The following TTN variants were observed in gnomAD, a reference collection of about 807,000 sequenced individuals.
The protein encoded by TTN is titin, also known as connectin.
A neutral mutation model predicts 3,223.0 loss-of-function variants in TTN; 1,525 were observed. The observed-to-expected ratio is 0.47, with a 90% CI of 0.45 to 0.49. TTN has a LOEUF of 0.49. Ranked by LOEUF, TTN falls within the 20% of genes least tolerant of loss-of-function variation. The pLI, the probability that TTN is intolerant of heterozygous loss-of-function variation, is 0.00. For missense variants in TTN, 40,786 were observed against 43,424.0 expected (o/e 0.94, Z 5.40); for synonymous variants, 14,094 against 15,161.0 (o/e 0.93, Z 5.17).
At chr2:178,670,067 C>T (rs1560239555) in intron 157 of TTN, 151 bp downstream of exon 157, 1 of 507,616 alleles carries the variant, frequency 2.0e-6, no homozygotes, top group Non-Finnish European at 3.4e-6. Flanking sequence ...TAAAACATTG[C>T]CTCAAAAGGC....
intron 222 of TTN, 108 bp from the exon 223 acceptor site, chr2:178,639,896 T>A: frequency 7.0e-7 from 1 of 1,430,194 alleles, no homozygotes; most frequent in South Asian, 1.3e-5. Flanking sequence ...TTCAAATAAC[T>A]AGTTTTTAAG....
Position 178,636,597 on chromosome 2 carries a change from G to A in TTN, c.41130C>T (p.Val13710=), listed in dbSNP as rs2060469509. 33 of 1,613,440 alleles carry A rather than the reference G, an allele frequency of 2.0e-5. No individual in the cohort carries two copies. The highest frequency in any genetic ancestry group is 2.7e-5 in the Non-Finnish European group (32 of 1,179,590). The change falls in exon 225 of 363, where the codon GTC becomes GTT. Residue 13710 remains valine (V), a synonymous_variant. Transcript: ENST00000589042. This position sits in a 1 kb window ranked among gnomAD's most constrained non-coding sequence, Gnocchi z 4.3. ...AGGTTGTAATTGCAGTGGAAGGGGA[G>A]ACCAAACATTCAAAGATTGCTGAAG... ...VGSSAIFECL[V]SPSTAITTWM... is the part of the protein sequence containing the mutation.
In TTN at chr2:178,566,606, C is replaced by T. The variant is rs1705957839; in HGVS notation, c.79526G>A (p.Gly26509Asp). 1 of 1,612,442 alleles carries T rather than the reference C, an allele frequency of 6.2e-7. No individual in the cohort carries two copies. Among genetic ancestry groups the T allele is most frequent in the African/African-American group, 1.3e-5 (1 of 74,972 alleles). Residue 26509 changes from glycine (G) to aspartate (D), a missense_variant, in exon 326 of 363, where the codon GGT (glycine) becomes GAT (aspartate). Transcript: ENST00000589042. ...ACTGCCGCCATCATAGATGGGTTTA[C>T]CCCAGGCAAGTGTGATTGAATTTTT... The part of the protein sequence containing the change: ...TTKNSITLAW[G>D]KPIYDGGSEI...
At chr2:178,677,346 A>ATATATG (rs1415710449) in intron 146 of TTN, 59 bp from the exon 147 acceptor site, 3 of 465,440 alleles carry the variant, frequency 6.4e-6, no homozygotes, top group Non-Finnish European at 8.9e-6. Flanking sequence ...ATATATATAT[A>ATATATG]TATATATATA....
chr2:178,583,351 TGTTTA>T, intron 312 of TTN, 124 bp from the exon 313 acceptor site: 1 of 1,056,322 alleles, frequency 9.5e-7, no homozygotes, highest in Non-Finnish European at 1.3e-6. Flanking sequence ...TATTTCATTT[TGTTTA>T]TTTTTAATAG....
chr2:178,778,014 A>C, intron 24 of TTN, 39 bp from the exon 25 acceptor site: 1 of 1,602,416 alleles, frequency 6.2e-7, no homozygotes, highest in Non-Finnish European at 8.5e-7. Flanking sequence ...GTGAGGCATA[A>C]AGAAAACTCA....
Position 178,620,075 on chromosome 2 carries a change from T to G in TTN, c.46342A>C (p.Ile15448Leu). The change falls in exon 249 of 363, where the codon ATT becomes CTT. Residue 15448 changes from isoleucine (I) to leucine (L), a missense_variant. Coordinates refer to ENST00000589042, the MANE Select transcript of TTN (RefSeq NM_001267550.2). ...TCATCCAGCCTGCAATCTTTTATAA[T>G]GAGTCTGTGTATACTTCCATCTTTT... is the stretch of plus-strand genomic sequence containing the variant. ...FEKDGSIHRL[I>L]IKDCRLDDEC... 1 of 1,611,938 alleles carries G rather than the reference T, an allele frequency of 6.2e-7. No homozygotes were observed. The highest frequency in any genetic ancestry group is 8.5e-7 in the Non-Finnish European group (1 of 1,178,786).
intron 310 of TTN, 26 bp from the exon 311 acceptor site, chr2:178,584,604 C>A: frequency 6.2e-7 from 1 of 1,610,032 alleles, no homozygotes; most frequent in South Asian, 1.1e-5. Context: ...AGGAAGATGT[C>A]AGTTTCTACA....
rs770089807 is a variant in TTN at position 178,536,993 on chromosome 2, G to A, written c.100116C>T (p.Phe33372=). 1.2e-5 allele frequency: 19 copies of A among 1,613,256 alleles called. No homozygotes were observed. The highest frequency in any genetic ancestry group is 5.0e-5 in the Admixed American group (3 of 59,956). ...ACACTTCTAGAGGGTCACTGATGCC[G>A]AAAGTGTTCTGAGCTGAAACCCGGA... ...YYFRVSAQNT[F]GISDPLEVSS... The change falls in exon 356 of 363, where the codon TTC becomes TTT. Residue 33372 remains phenylalanine, a synonymous_variant. Transcript: ENST00000589042.
At position 178,632,520 on chromosome 2, in the gene TTN, ATT is replaced by A; in HGVS notation, c.43480+4_43480+5del. ...TTGGGGTGGACTATTTGATAAAACT[ATT>A]TACCTTCAATGATCAGTTTGCCACT... On this transcript the variant is annotated splice_donor_5th_base_variant and intron_variant, in intron 235 of 362. Coordinates refer to ENST00000589042, the MANE Select transcript of TTN (RefSeq NM_001267550.2). The A allele has an allele frequency of 3.1e-6, 5 of 1,611,708 alleles. No homozygotes were observed. The highest frequency in any genetic ancestry group is 4.2e-6 in the Non-Finnish European group (5 of 1,179,232).
chr2:178,722,535 G>T lies in TTN; in HGVS notation c.22252C>A (p.Pro7418Thr). ...TTTAATTGTCTTGCAAAAGAAGGTGGGAGTTGGCGCTCTGTAGGGAGACAT... is the reference window on the plus strand; with the variant it reads ...TTTAATTGTCTTGCAAAAGAAGGTGTGAGTTGGCGCTCTGTAGGGAGACAT... ...TVFRIQERQL[P>T]PSFARQLKDI... Residue 7418 changes from proline (P) to threonine (T), a missense_variant, in exon 77 of 363, where the codon CCA (proline) becomes ACA (threonine). Transcript: ENST00000589042. The T allele has an allele frequency of 6.2e-7, 1 of 1,611,820 alleles. No individual in the cohort carries two copies. The highest frequency in any genetic ancestry group is 2.2e-5 in the East Asian group (1 of 44,838).
rs2154209513 is a variant in TTN at position 178,618,347 on chromosome 2, C to G, written c.47111G>C (p.Trp15704Ser). The G allele has an allele frequency of 1.2e-6, 2 of 1,612,572 alleles. No homozygotes were observed. Among genetic ancestry groups the G allele is most frequent in the Non-Finnish European group, 1.7e-6 (2 of 1,179,098 alleles). ...VERRDIKRKT[W>S]VLATDRAESC... is the part of the protein sequence containing the mutation. Reference sequence around the variant, plus strand: ...CTCTGCACGGTCTGTGGCCAGAACCCAGGTCTTTCTCTTAATGTCACGTCT... The same window carrying G: ...CTCTGCACGGTCTGTGGCCAGAACCGAGGTCTTTCTCTTAATGTCACGTCT... The change falls in exon 252 of 363, where the codon TGG (tryptophan) becomes TCG (serine). Residue 15704 changes from tryptophan to serine, a missense_variant. Transcript: ENST00000589042.
chr2:178,688,316 C>T, intron 126 of TTN, 92 bp from the exon 127 acceptor site: 1 of 1,164,860 alleles, frequency 8.6e-7, no homozygotes, highest in South Asian at 1.2e-5. Context: ...AACTGTTCTT[C>T]TATCTGCTTA....
chr2:178,607,072 C>T lies in TTN; in HGVS notation c.53530G>A (p.Gly17844Ser), dbSNP rs748153885. The T allele has an allele frequency of 6.2e-7, 1 of 1,612,050 alleles. No individual in the cohort carries two copies. Among genetic ancestry groups the T allele is most frequent in the Non-Finnish European group, 8.5e-7 (1 of 1,179,016 alleles). ...CCTATTTCAACAGGAGGGCCACAGC[C>T]AAACTTGTTCTTGGCAATAACACGG... The part of the protein sequence containing the change: ...KFRVIAKNKF[G>S]CGPPVEIGPI... Residue 17844 changes from glycine (G) to serine (S), a missense_variant, in exon 278 of 363, where the codon GGC becomes AGC. Coordinates refer to ENST00000589042, the MANE Select transcript of TTN (RefSeq NM_001267550.2).
Position 178,693,673 on chromosome 2 carries a change from CT to C in TTN, c.31529del (p.Lys10510ArgfsTer115). On this transcript the variant is annotated frameshift_variant, in exon 119 of 363. Coordinates refer to ENST00000589042, the MANE Select transcript of TTN (RefSeq NM_001267550.2). LOFTEE classifies it high-confidence loss of function. ...EVSVTVPEVQ[K>X]EIVTEEKIHV... The stretch of plus-strand genomic sequence containing the variant: ...GAATTTTCTCTTCAGTAACAATTTC[CT>C]TTTGTACCTCGGGGACTTAAAAAAA... 6.3e-7 allele frequency: 1 copy of C among 1,598,378 alleles called. No individual in the cohort carries two copies. Among genetic ancestry groups the C allele is most frequent in the East Asian group, 2.2e-5 (1 of 44,540 alleles).
In TTN at chr2:178,540,174, G is replaced by T. The variant is rs794729549; in HGVS notation, c.97992C>A (p.His32664Gln). 12 of 1,613,804 alleles carry T rather than the reference G, an allele frequency of 7.4e-6. No homozygotes were observed. The East Asian group carries it at 2.7e-4, about 36-fold the overall frequency. Residue 32664 changes from histidine (H) to glutamine (Q), a missense_variant, in exon 351 of 363, where the codon CAC (histidine) becomes CAA (glutamine). His to Gln is a conservative substitution (Grantham distance 24, BLOSUM62 0). Transcript: ENST00000589042. The stretch of plus-strand genomic sequence containing the variant: ...ACCTGTATTCTGCACCCTGAGGTAG[G>T]TGTGTTAGAGTATACTCTCGAATCT... ...PTKIREYTLT[H>Q]LPQGAEYRFR...
rs1405103359 is a variant in TTN at position 178,692,090 on chromosome 2, A to G, written c.31688T>C (p.Val10563Ala). 7 of 1,612,090 alleles carry G rather than the reference A, an allele frequency of 4.3e-6. No homozygotes were observed. The highest frequency in any genetic ancestry group is 5.1e-6 in the Non-Finnish European group (6 of 1,178,650). The part of the protein sequence containing the change: ...VEPPAPKVPE[V>A]PKKPVPEEKK... ...CTCCTCTGGCACGGGTTTCTTGGGAACCTCAGGAACTTTAAAGATACAATT... is the reference window on the plus strand; with the variant it reads ...CTCCTCTGGCACGGGTTTCTTGGGAGCCTCAGGAACTTTAAAGATACAATT... Residue 10563 changes from valine (V) to alanine (A), a missense_variant, in exon 121 of 363, where the codon GTT becomes GCT. Transcript: ENST00000589042.
intron 239 of TTN, among the ~76,000 whole-genome samples, chr2:178,629,781 C>T (rs1237681632): frequency 6.6e-6 from 1 of 152,062 alleles, no homozygotes; most frequent in Non-Finnish European, 1.5e-5. Flanking sequence ...GGACAAGGGG[C>T]CCTCAATCAG....
chr2:178,766,444 C>T lies in TTN; in HGVS notation c.9640G>A (p.Asp3214Asn), dbSNP rs778326573. The T allele has an allele frequency of 6.2e-6, 10 of 1,614,012 alleles. No individual in the cohort carries two copies. Among genetic ancestry groups the T allele is most frequent in the South Asian group, 1.1e-5 (1 of 91,082 alleles). ...RMFISETRQS[D>N]AGEYTFVAGR... ...GCCACAAAGGTGTATTCTCCTGCAT[C>T]GCTCTGTCTGGTCTCAGAGATAAAC... Residue 3214 changes from aspartate (D) to asparagine (N), a missense_variant, in exon 41 of 363, where the codon GAT (aspartate) becomes AAT (asparagine). By Grantham distance (23) the Asp-to-Asn change is conservative. Transcript: ENST00000589042.
Sources: allele counts gnomAD v4.1 joint callset (sites outside exome capture counted in the v4.1 genomes callset), GRCh38; gene constraint gnomAD v4.1.1; non-coding constraint Gnocchi (gnomAD v3.1); transcripts MANE v1.5; gene names NCBI Gene and HGNC (gene_info 2026-07-23, HGNC 2026-07-21).